PDE1C: variants seen among roughly 807,000 people sequenced by gnomAD.
PDE1C encodes the protein phosphodiesterase 1C, also known as dual specificity calcium/calmodulin-dependent 3',5'-cyclic nucleotide phosphodiesterase 1C.
PDE1C carries 62 observed loss-of-function variants against 93.1 expected under a neutral mutation model. That is an observed-to-expected ratio of 0.67 (90% CI 0.54 to 0.82). PDE1C has a LOEUF of 0.82. Among genes scored for constraint, PDE1C ranks in the 40% least tolerant of loss-of-function variants. The pLI is 0.00. For synonymous variants in PDE1C, 325 were observed against 310.1 expected (o/e 1.05, Z -0.50); for missense variants, 742 against 884.6 (o/e 0.84, Z 2.04).
intron 2 of PDE1C, among the ~76,000 whole-genome samples, chr7:32,197,806 C>T (rs745668912): frequency 6.6e-6 from 1 of 152,070 alleles, no homozygotes; most frequent in Non-Finnish European, 1.5e-5. Context: ...GTATGGATCT[C>T]AGATGAAAAG....
At chr7:32,153,106 T>C (rs1801362452) in intron 3 of PDE1C, among the ~76,000 whole-genome samples, 1 of 152,158 alleles carries the variant, frequency 6.6e-6, no homozygotes. Flanking sequence ...GAAATAGTAG[T>C]AAAAATAGCC....
At chr7:32,343,089 A>T (rs1225528508) in intron 1 of PDE1C, among the ~76,000 whole-genome samples, 2 of 152,164 alleles carry the variant, frequency 1.3e-5, no homozygotes, top group African/African-American at 4.8e-5. Context: ...AGAATCGGCC[A>T]CCAGAGGCTG....
At chr7:32,333,140 C>A (rs912108070) in intron 1 of PDE1C, among the ~76,000 whole-genome samples, 8 of 151,966 alleles carry the variant, frequency 5.3e-5, no homozygotes. Context: ...CAAAGTAAAC[C>A]AAGGTCATAG....
chr7:32,039,358 A>C (rs935205458), intron 2 of PDE1C, among the ~76,000 whole-genome samples: 4 of 152,236 alleles, frequency 2.6e-5, no homozygotes, highest in African/African-American at 9.6e-5. Context: ...GGATGATTGC[A>C]CATCTCACAG....
chr7:32,278,330 C>G (rs527718710), intron 1 of PDE1C, among the ~76,000 whole-genome samples: 1 of 152,122 alleles, frequency 6.6e-6, no homozygotes, highest in South Asian at 2.1e-4. Flanking sequence ...TTGTGGAAGA[C>G]AAAGACTGGA....
the PDE1C span, chr7:31,697,079 A>C: frequency 1.9e-6 from 3 of 1,614,036 alleles, no homozygotes; most frequent in Non-Finnish European, 2.5e-6. Flanking sequence ...CCAAGGAGAA[A>C]AGACACACCT....
chr7:32,282,470 C>T (rs1811705728), intron 1 of PDE1C, among the ~76,000 whole-genome samples: 1 of 3,692 alleles, frequency 2.7e-4, no homozygotes, highest in Admixed American at 2.4e-3. Flanking sequence ...AAAGGCCAAA[C>T]TCCATCAAAA....
chr7:31,823,326 G>T, intron 13 of PDE1C, 78 bp from the exon 14 acceptor site: 1 of 1,212,160 alleles, frequency 8.2e-7, no homozygotes, highest in Non-Finnish European at 1.2e-6. Context: ...CCCAGAGGAG[G>T]AATGGTTAGC....
chr7:32,412,086 C>A (rs1232681884), intron 1 of PDE1C, among the ~76,000 whole-genome samples: 1 of 152,088 alleles, frequency 6.6e-6, no homozygotes, highest in Non-Finnish European at 1.5e-5. Flanking sequence ...CCTGAAGGAC[C>A]TGCTTGAGGC....
Position 31,907,070 on chromosome 7 carries a change from G to GGGGTGT in PDE1C, c.129-26211_129-26210insACACCC, listed in dbSNP as rs148177545. Among the ~76,000 whole-genome samples, 72 of 145,316 alleles carry GGGGTGT rather than the reference G, an allele frequency of 5.0e-4. 1 individual carries two copies. The highest frequency in any genetic ancestry group is 4.8e-3 in the East Asian group (21 of 4,412). ...GAGCCAACCATTTCTTGATATGTGG[G>GGGGTGT]GTGTGTGTGTGTGTGTGTGTGTGTG... On this transcript the variant is annotated intron_variant, in intron 2 of 17. Transcript: ENST00000396191.
At chr7:32,054,350 C>T (rs1793769647) in intron 1 of PDE1C, among the ~76,000 whole-genome samples, 1 of 152,178 alleles carries the variant, frequency 6.6e-6, no homozygotes, top group South Asian at 2.1e-4. Flanking sequence ...TGTGCTAAAT[C>T]AAGCTTTCAT....
intron 1 of PDE1C, among the ~76,000 whole-genome samples, chr7:32,325,087 C>G (rs1406944832): frequency 6.6e-6 from 1 of 152,196 alleles, no homozygotes; most frequent in Non-Finnish European, 1.5e-5. Flanking sequence ...AAGTAGAGCA[C>G]TAACAAATAA....
the PDE1C span, among the ~76,000 whole-genome samples, chr7:31,713,228 G>C: frequency 6.6e-6 from 1 of 152,194 alleles, no homozygotes; most frequent in South Asian, 2.1e-4. Context: ...CATTCCAAAT[G>C]GGAGAAATTG....
At chr7:31,652,591 G>A in the PDE1C span, 3 of 1,612,722 alleles carry the variant, frequency 1.9e-6, no homozygotes, top group Non-Finnish European at 1.7e-6. Flanking sequence ...ATAGAAGAAA[G>A]CAATGGGCAG....
intron 1 of PDE1C, among the ~76,000 whole-genome samples, chr7:32,239,520 T>A (rs529295806): frequency 2.0e-5 from 3 of 152,150 alleles, no homozygotes; most frequent in African/African-American, 7.2e-5. Context: ...AAGCAACAAA[T>A]AATGTAATAC....
chr7:32,143,159 G>C (rs1455156095), intron 3 of PDE1C, among the ~76,000 whole-genome samples: 1 of 151,868 alleles, frequency 6.6e-6, no homozygotes, highest in African/African-American at 2.4e-5. Context: ...GGAAGGAATG[G>C]AAAGATTTAG....
At chr7:32,379,716 C>T (rs1240368363) in intron 1 of PDE1C, among the ~76,000 whole-genome samples, 1 of 152,206 alleles carries the variant, frequency 6.6e-6, no homozygotes, top group East Asian at 1.9e-4. Context: ...TTTCCTACAG[C>T]TGCTATTAGT....
intron 2 of PDE1C, among the ~76,000 whole-genome samples, chr7:32,043,014 C>G (rs1191062316): frequency 6.6e-6 from 1 of 152,194 alleles, no homozygotes; most frequent in Non-Finnish European, 1.5e-5. Context: ...AATCTTACCT[C>G]TTTACCAGTG....
chr7:31,863,588 A>C (rs1431912849), intron 7 of PDE1C, among the ~76,000 whole-genome samples: 2 of 152,186 alleles, frequency 1.3e-5, no homozygotes, highest in Non-Finnish European at 2.9e-5. Flanking sequence ...AACTTTAAAG[A>C]TAGTGTTTTA....
Sources: gnomAD v4.1 joint callset for allele counts (sites outside exome capture counted in the v4.1 genomes callset) on GRCh38, gnomAD v4.1.1 for gene constraint, MANE v1.5 for transcripts, NCBI Gene and HGNC (gene_info 2026-07-23, HGNC 2026-07-21) for gene names.